The following MCPH1 variants were observed in gnomAD, a reference collection of about 807,000 sequenced individuals.
MCPH1 encodes microcephalin 1.
Under a neutral mutation model 84.5 loss-of-function variants are expected in MCPH1, and 104 were observed. The observed-to-expected ratio is 1.23, with a 90% CI of 1.05 to 1.45. The LOEUF is 1.45. Ranked by LOEUF, MCPH1 falls within the 40% of genes most tolerant of loss-of-function variation. MCPH1 has a pLI of 0.00. For synonymous variants in MCPH1, 514 were observed against 366.8 expected, an observed-to-expected ratio of 1.40 and a Z score of -4.58; for missense variants, 1,498 against 1,005.7, an observed-to-expected ratio of 1.49 and a Z score of -6.62.
chr8:6,527,817 A>G (rs1467181084), intron 12 of MCPH1: 3 of 830,824 alleles, frequency 3.6e-6, no homozygotes, highest in Non-Finnish European at 5.3e-6. Flanking sequence ...ATTTTGGCAT[A>G]TTTTTCATTT....
At position 6,626,654 on chromosome 8, in the gene MCPH1, C is replaced by T. The variant is rs1283903830; in HGVS notation, c.2452+4963C>T. 4.1e-6 allele frequency: 4 copies of T among 984,702 alleles called. No homozygotes were observed. The East Asian group carries it at 4.5e-4, about 112-fold the overall frequency. 61.0% of individuals were successfully genotyped at this position (984,702 alleles called of 1,614,324 possible). A position where few individuals can be genotyped will look rare whatever the true frequency, so the allele number is the denominator to read the frequency against. On this transcript the variant is annotated intron_variant, in intron 13 of 13. Transcript: ENST00000344683. ...TTTGCTAATGGTTGCATTTTCCCCC[C>T]AACACTCCCATGACATATAATTCCC...
intron 12 of MCPH1, chr8:6,514,861 T>C (rs1318454550): frequency 3.3e-6 from 4 of 1,202,396 alleles, no homozygotes; most frequent in Non-Finnish European, 4.9e-6. Flanking sequence ...ATGTAGACCC[T>C]GAGTGCAGGA....
chr8:6,444,406 TG>T lies in MCPH1; in HGVS notation c.686del (p.Gly229ValfsTer41). 6.2e-7 allele frequency: 1 copy of T among 1,614,166 alleles called. No homozygotes were observed. The highest frequency in any genetic ancestry group is 8.5e-7 in the Non-Finnish European group (1 of 1,180,024). On this transcript the variant is annotated frameshift_variant, in exon 8 of 14. Coordinates refer to ENST00000344683, the MANE Select transcript of MCPH1 (RefSeq NM_024596.5). LOFTEE classifies it high-confidence loss of function. ...DTLCSDEYFAGGLHSSFDDLC... is the reference protein window; with the variant it reads ...DTLCSDEYFAXGLHSSFDDLC... ...AATGTTTTCCAGATGAATACTTTGCTGGTGGCTTACACTCATCTTTTGATGA... is the reference window on the plus strand; with the variant it reads ...AATGTTTTCCAGATGAATACTTTGCTGTGGCTTACACTCATCTTTTGATGA...
rs535130801 is a variant in MCPH1 at position 6,437,988 on chromosome 8, C to G, written c.437-965C>G. On this transcript the variant is annotated intron_variant, in intron 5 of 13. Coordinates refer to ENST00000344683, the MANE Select transcript of MCPH1 (RefSeq NM_024596.5). ...ACATCCCCTCCCTGGTTTAAAATTT[C>G]CTGGTGTCATCCCAAGGAAAAATAT... Among the ~76,000 whole-genome samples, 3 of 152,244 alleles carry G rather than the reference C, an allele frequency of 2.0e-5. No homozygotes were observed. The South Asian group carries it at 6.2e-4, about 32-fold the overall frequency.
intron 12 of MCPH1, among the ~76,000 whole-genome samples, chr8:6,609,595 G>A (rs181307279): frequency 1.3e-4 from 20 of 152,300 alleles, no homozygotes; most frequent in Admixed American, 1.1e-3. Flanking sequence ...CTGCTAGTTC[G>A]TCATGGAGAA....
chr8:6,412,042 G>A (rs1221836207), intron 2 of MCPH1, among the ~76,000 whole-genome samples: 1 of 152,192 alleles, frequency 6.6e-6, no homozygotes, highest in East Asian at 1.9e-4. Context: ...GAGAGCTGCT[G>A]TGGGTATAAA....
At chr8:6,461,634 C>G (rs953899524) in intron 9 of MCPH1, among the ~76,000 whole-genome samples, 1 of 152,146 alleles carries the variant, frequency 6.6e-6, no homozygotes, top group Non-Finnish European at 1.5e-5. Flanking sequence ...GCCACCACAC[C>G]CGGCCTGGTG....
intron 12 of MCPH1, among the ~76,000 whole-genome samples, chr8:6,527,899 A>ATTTTTCTTTTT (rs769453212): frequency 7.5e-6 from 1 of 133,122 alleles, no homozygotes; most frequent in Non-Finnish European, 1.6e-5. Flanking sequence ...CCACGTCTCT[A>ATTTTTCTTTTT]TTTTTTTTTT....
intron 12 of MCPH1, among the ~76,000 whole-genome samples, chr8:6,592,299 G>T (rs775931546): frequency 4.6e-5 from 7 of 151,812 alleles, no homozygotes; most frequent in Non-Finnish European, 8.8e-5. Context: ...CTACACGTGC[G>T]TGCCACCACA....
At chr8:6,588,769 C>G (rs1277382749) in intron 12 of MCPH1, among the ~76,000 whole-genome samples, 1 of 152,270 alleles carries the variant, frequency 6.6e-6, no homozygotes, top group Admixed American at 6.5e-5. Context: ...CCCAAGCCTT[C>G]TGCTCCTCTC....
chr8:6,512,609 C>A (rs796133088), intron 12 of MCPH1, among the ~76,000 whole-genome samples: 4 of 152,226 alleles, frequency 2.6e-5, no homozygotes, highest in Non-Finnish European at 5.9e-5. Context: ...TCCCGTTGCA[C>A]ACACATTTCG....
intron 2 of MCPH1, among the ~76,000 whole-genome samples, chr8:6,413,099 A>T (rs768346325): frequency 2.8e-4 from 43 of 152,234 alleles, no homozygotes; most frequent in Admixed American, 2.0e-3. Context: ...CATAAAAGGT[A>T]AAATTTTTGA....
chr8:6,428,066 G>A (rs965995379), intron 3 of MCPH1, among the ~76,000 whole-genome samples: 19 of 151,948 alleles, frequency 1.3e-4, no homozygotes, highest in African/African-American at 4.3e-4. Flanking sequence ...ACAGGTGTGA[G>A]CCACCACGCC....
At chr8:6,624,874 C>T (rs1831895780) in intron 13 of MCPH1, 3 of 879,430 alleles carry the variant, frequency 3.4e-6, no homozygotes, top group Non-Finnish European at 1.4e-6. Context: ...AAATCATATA[C>T]TTTTTTTTTT....
intron 13 of MCPH1, chr8:6,625,593 A>G (rs1421147665): frequency 5.1e-6 from 5 of 985,214 alleles, no homozygotes; most frequent in African/African-American, 3.5e-5. Flanking sequence ...AATTTATTCA[A>G]ACTGGAATAT....
chr8:6,579,823 T>C (rs116107420), intron 12 of MCPH1, among the ~76,000 whole-genome samples: 1 of 152,320 alleles, frequency 6.6e-6, no homozygotes, highest in African/African-American at 2.4e-5. Context: ...TTCTCGTTTA[T>C]GCAGAAGTGG....
intron 13 of MCPH1, among the ~76,000 whole-genome samples, chr8:6,636,341 A>C (rs1797554902): frequency 6.6e-6 from 1 of 151,980 alleles, no homozygotes. Context: ...GTCTCAAAAA[A>C]AAAAAAAAAA....
At chr8:6,558,190 C>T (rs1257333779) in intron 12 of MCPH1, among the ~76,000 whole-genome samples, 1 of 152,108 alleles carries the variant, frequency 6.6e-6, no homozygotes, top group Non-Finnish European at 1.5e-5. Flanking sequence ...GAACGCTGTA[C>T]ATTTGATATT....
Position 6,444,863 on chromosome 8 carries a change from A to T in MCPH1, c.1141A>T (p.Ile381Phe). The T allele has an allele frequency of 6.2e-7, 1 of 1,614,240 alleles. No homozygotes were observed. The highest frequency in any genetic ancestry group is 2.2e-5 in the East Asian group (1 of 44,882). ...CKRKRSTRRS[I>F]MPRLQLCRSE... ...GAGAAAGAGGAGCACCAGGAGATCT[A>T]TCATGCCGAGGCTGCAGCTGTGCAG... The change falls in exon 8 of 14, where the codon ATC (isoleucine) becomes TTC (phenylalanine). Residue 381 changes from isoleucine (I) to phenylalanine (F), a missense_variant. By Grantham distance (21) the Ile-to-Phe change is conservative. Transcript: ENST00000344683.
Sources: gnomAD v4.1 joint callset for allele counts (sites outside exome capture counted in the v4.1 genomes callset) on GRCh38, gnomAD v4.1.1 for gene constraint, MANE v1.5 for transcripts, NCBI Gene and HGNC (gene_info 2026-07-23, HGNC 2026-07-21) for gene names.